The following PDE4D variants were observed in gnomAD, a reference collection of about 807,000 sequenced individuals.
The protein encoded by PDE4D is 3',5'-cyclic-AMP phosphodiesterase 4D.
A neutral mutation model predicts 87.4 loss-of-function variants in PDE4D; 24 were observed. The observed-to-expected ratio is 0.27, with a 90% confidence interval of 0.20 to 0.39. The LOEUF is 0.39. Among genes scored for constraint, PDE4D ranks in the 10% least tolerant of loss-of-function variants. The pLI is 1.00. For synonymous variants in PDE4D, 384 were observed against 383.2 expected (o/e 1.00, Z -0.02); for missense variants, 714 against 1,041.0 (o/e 0.69, Z 4.32).
intron 5 of PDE4D, among the ~76,000 whole-genome samples, chr5:59,109,676 G>C (rs1772276545): frequency 6.6e-6 from 1 of 152,156 alleles, no homozygotes; most frequent in African/African-American, 2.4e-5. Flanking sequence ...TTTTTGGCTT[G>C]TGGGATCTAG....
chr5:60,431,761 G>T (rs557678766), intron 1 of PDE4D, among the ~76,000 whole-genome samples: 1 of 152,314 alleles, frequency 6.6e-6, no homozygotes, highest in South Asian at 2.1e-4. Flanking sequence ...AGATCACACC[G>T]CTGCACTCCA....
rs557952558 is a variant in PDE4D at position 59,594,536 on chromosome 5, G to T, written c.455+298632C>A. 5.1e-4 allele frequency among the ~76,000 whole-genome samples: 77 copies of T among 152,024 alleles called. 1 individual carries two copies. Among genetic ancestry groups the T allele is most frequent in the African/African-American group, 1.6e-3 (65 of 41,472 alleles). ...AGGTTTTACCACATTGGCCATGCTG[G>T]TCTCAACCTCCTGACCTCAGGTGAT... On this transcript the variant is annotated intron_variant, in intron 1 of 14. Transcript: ENST00000340635.
chr5:59,327,595 G>A (rs1489320279), intron 1 of PDE4D, among the ~76,000 whole-genome samples: 4 of 152,122 alleles, frequency 2.6e-5, no homozygotes, highest in Non-Finnish European at 5.9e-5. Context: ...AATGAGATCC[G>A]TTGTTAATGT....
At chr5:59,013,836 C>G (rs1022454502) in intron 6 of PDE4D, among the ~76,000 whole-genome samples, 3 of 150,930 alleles carry the variant, frequency 2.0e-5, no homozygotes, top group Non-Finnish European at 4.4e-5. Context: ...GGCGGAGACA[C>G]AACAAAAAAA....
At chr5:59,548,054 AAGAC>A (rs1322951664) in intron 1 of PDE4D, among the ~76,000 whole-genome samples, 1 of 152,220 alleles carries the variant, frequency 6.6e-6, no homozygotes, top group African/African-American at 2.4e-5. Context: ...GAGAAAGAGA[AAGAC>A]AGAGACAAAC....
intron 1 of PDE4D, among the ~76,000 whole-genome samples, chr5:60,417,900 A>G (rs1263379966): frequency 9.1e-6 from 1 of 109,986 alleles, no homozygotes; most frequent in South Asian, 4.7e-4. Context: ...GAGAGAGGGA[A>G]AAAAAAAACA....
At chr5:59,175,504 C>T (rs1333365830) in intron 5 of PDE4D, among the ~76,000 whole-genome samples, 4 of 101,096 alleles carry the variant, frequency 4.0e-5, no homozygotes, top group Admixed American at 1.5e-4. Context: ...TTTTTTGAGA[C>T]GGTGTCTCAC....
At chr5:59,851,511 C>G (rs918344834) in intron 1 of PDE4D, among the ~76,000 whole-genome samples, 5 of 151,972 alleles carry the variant, frequency 3.3e-5, no homozygotes, top group Non-Finnish European at 7.4e-5. Context: ...TGTGTAATTT[C>G]CACTTCTGAA....
intron 1 of PDE4D, among the ~76,000 whole-genome samples, chr5:59,432,636 A>G (rs1298808040): frequency 6.6e-6 from 1 of 152,132 alleles, no homozygotes; most frequent in African/African-American, 2.4e-5. Flanking sequence ...AAAATAAGGT[A>G]GGCAGCTCTC....
intron 1 of PDE4D, among the ~76,000 whole-genome samples, chr5:59,724,251 G>A (rs772904145): frequency 2.0e-5 from 3 of 151,942 alleles, no homozygotes; most frequent in Non-Finnish European, 4.4e-5. Context: ...GCTACTTCTG[G>A]GATTATCTGG....
At chr5:60,172,594 G>A (rs959932571) in intron 2 of PDE4D, among the ~76,000 whole-genome samples, 7 of 152,072 alleles carry the variant, frequency 4.6e-5, no homozygotes, top group African/African-American at 1.7e-4. Flanking sequence ...TTGTTACAAT[G>A]CTGTTGTGAT....
At chr5:59,035,081 C>T (rs933913741) in intron 6 of PDE4D, among the ~76,000 whole-genome samples, 8 of 152,232 alleles carry the variant, frequency 5.3e-5, no homozygotes, top group African/African-American at 1.9e-4. Context: ...CTCCTCTCTA[C>T]TGACTCCCAT....
chr5:59,539,580 ATTTTC>A (rs1013486803), intron 1 of PDE4D, among the ~76,000 whole-genome samples: 41 of 152,086 alleles, frequency 2.7e-4, no homozygotes, highest in African/African-American at 9.9e-4. Flanking sequence ...GAAGAAGCCA[ATTTTC>A]TTTTGTGTTC....
At chr5:59,182,782 A>C (rs1330622065) in intron 4 of PDE4D, among the ~76,000 whole-genome samples, 1 of 152,180 alleles carries the variant, frequency 6.6e-6, no homozygotes, top group African/African-American at 2.4e-5. Flanking sequence ...TCCTCTAATG[A>C]CAGATGAGCC....
At chr5:59,244,586 A>G (rs1581576037) in intron 1 of PDE4D, among the ~76,000 whole-genome samples, 1 of 150,054 alleles carries the variant, frequency 6.7e-6, no homozygotes, top group South Asian at 2.1e-4. Flanking sequence ...ATACACATAT[A>G]TATATACATA....
At chr5:59,168,405 T>A (rs1271479671) in intron 5 of PDE4D, among the ~76,000 whole-genome samples, 1 of 152,172 alleles carries the variant, frequency 6.6e-6, no homozygotes, top group African/African-American at 2.4e-5. Flanking sequence ...CACCTGGGCC[T>A]TTCCTTGTCA....
At chr5:59,860,207 A>T (rs535032105) in intron 1 of PDE4D, among the ~76,000 whole-genome samples, 11 of 152,336 alleles carry the variant, frequency 7.2e-5, no homozygotes, top group Admixed American at 7.2e-4. Context: ...TTGAGCAAGG[A>T]TAACAAGAAT....
intron 1 of PDE4D, chr5:59,217,300 T>C (rs1013790338): frequency 1.3e-5 from 6 of 455,434 alleles, no homozygotes; most frequent in African/African-American, 8.0e-5. Flanking sequence ...CAAGTTTTGC[T>C]GTCATTAATA....
chr5:59,615,128 C>A (rs1396761338), intron 1 of PDE4D, among the ~76,000 whole-genome samples: 2 of 152,158 alleles, frequency 1.3e-5, no homozygotes, highest in Admixed American at 1.3e-4. Flanking sequence ...CCACGCCTGG[C>A]TGGGATATTT....
Sources: gnomAD v4.1 joint callset for allele counts (sites outside exome capture counted in the v4.1 genomes callset) on GRCh38, gnomAD v4.1.1 for gene constraint, MANE v1.5 for transcripts, NCBI Gene and HGNC (gene_info 2026-07-23, HGNC 2026-07-21) for gene names.